G6PC1: variants seen among roughly 807,000 people sequenced by gnomAD.
The protein encoded by G6PC1 is glucose-6-phosphatase catalytic subunit 1, also known as G-6-Pase.
In G6PC1, 23 loss-of-function variants were observed where a neutral mutation model predicts 30.4. The ratio of observed to expected loss-of-function variants is 0.76; its 90% CI spans 0.55 to 1.07. The LOEUF (loss-of-function observed/expected upper bound fraction) is 1.07, where lower values mean the gene tolerates loss of function less well. Ranked by LOEUF, G6PC1 falls within the 50% of genes least tolerant of loss-of-function variation. G6PC1 has a pLI of 0.00. For missense variants in G6PC1, 391 were observed against 433.9 expected (o/e 0.90, Z 0.88); for synonymous variants, 163 against 175.6 (o/e 0.93, Z 0.57).
Position 42,903,973 on chromosome 17 carries a change from T to C in G6PC1, c.273T>C (p.Thr91=), listed in dbSNP as rs2151930014. The C allele has an allele frequency of 6.2e-7, 1 of 1,614,090 alleles. No individual in the cohort carries two copies. The highest frequency in any genetic ancestry group is 8.5e-7 in the Non-Finnish European group (1 of 1,179,946). The change falls in exon 2 of 5, where the codon ACT becomes ACC. Residue 91 remains threonine (T), a synonymous_variant. Coordinates refer to ENST00000253801, the MANE Select transcript of G6PC1 (RefSeq NM_000151.4). ...GQRPYWWVLD[T]DYYSNTSVPL... ...GTCCATACTGGTGGGTTTTGGATACTGACTACTACAGCAACACTTCCGTGC... is the reference window on the plus strand; with the variant it reads ...GTCCATACTGGTGGGTTTTGGATACCGACTACTACAGCAACACTTCCGTGC...
intron 1 of G6PC1, among the ~76,000 whole-genome samples, chr17:42,902,493 C>G (rs2056032530): frequency 6.6e-6 from 1 of 152,148 alleles, no homozygotes; most frequent in African/African-American, 2.4e-5. Flanking sequence ...TCATGATCTG[C>G]CTGCCTTGGC....
intron 3 of G6PC1, among the ~76,000 whole-genome samples, chr17:42,908,319 G>A (rs976541667): frequency 5.9e-5 from 9 of 151,958 alleles, no homozygotes; most frequent in East Asian, 5.8e-4. Context: ...ATGAGCCACC[G>A]CGCCAGCCAT....
chr17:42,903,209 G>A (rs1167453262), intron 1 of G6PC1, among the ~76,000 whole-genome samples: 1 of 151,568 alleles, frequency 6.6e-6, no homozygotes, highest in East Asian at 2.0e-4. Flanking sequence ...AGCCTCCCGA[G>A]TAGCTGGGAT....
chr17:42,910,116 G>A (rs558084696), intron 4 of G6PC1, among the ~76,000 whole-genome samples: 150 of 152,122 alleles, frequency 9.9e-4, no homozygotes, highest in Non-Finnish European at 1.1e-3. Flanking sequence ...CTCCCAAAGC[G>A]CTGGGATTAC....
intron 4 of G6PC1, 33 bp from the exon 5 acceptor site, chr17:42,910,882 C>T: frequency 6.2e-7 from 1 of 1,611,430 alleles, no homozygotes; most frequent in East Asian, 2.2e-5. Context: ...CAAATCCTTC[C>T]TATCTCTCAC....
intron 2 of G6PC1, among the ~76,000 whole-genome samples, chr17:42,905,535 A>G (rs375765879): frequency 1.3e-5 from 2 of 150,520 alleles, no homozygotes; most frequent in East Asian, 1.9e-4. Flanking sequence ...GAAGAAGAAG[A>G]AAAGGAAAGG....
chr17:42,901,659 C>A (rs1177502903), intron 1 of G6PC1, among the ~76,000 whole-genome samples: 1 of 150,658 alleles, frequency 6.6e-6, no homozygotes, highest in Admixed American at 6.6e-5. Context: ...GAGTCAAGAT[C>A]ATGCCACTGC....
In G6PC1 at chr17:42,912,292, T is replaced by C. The variant is rs2056101128; in HGVS notation, c.*866T>C. The C allele has an allele frequency of 6.6e-6, 1 of 152,292 alleles. No homozygotes were observed. Among genetic ancestry groups the C allele is most frequent in the Non-Finnish European group, 1.5e-5 (1 of 68,080 alleles). 9.4% of individuals were successfully genotyped at this position (152,292 alleles called of 1,614,324 possible). A position where few individuals can be genotyped will look rare whatever the true frequency, so the allele number is the denominator to read the frequency against. Reference sequence around the variant, plus strand: ...TCCTTGGATTTCTGAATGGCTGCAGTGACCCAGATATTGCACTAGGTCAAA... The same window carrying C: ...TCCTTGGATTTCTGAATGGCTGCAGCGACCCAGATATTGCACTAGGTCAAA... On this transcript the variant is annotated 3_prime_UTR_variant, in exon 5 of 5. Coordinates refer to ENST00000253801, the MANE Select transcript of G6PC1 (RefSeq NM_000151.4).
In G6PC1 at chr17:42,914,099, C is replaced by CTT. The variant is rs113390675; in HGVS notation, c.*2686_*2687dup. Among the ~76,000 whole-genome samples the CTT allele has an allele frequency of 7.0e-6, 1 of 143,204 alleles. No individual in the cohort carries two copies. The highest frequency in any genetic ancestry group is 2.5e-5 in the African/African-American group (1 of 39,408). 93.9% of individuals were successfully genotyped at this position (143,204 alleles called of 152,430 possible). A position where few individuals can be genotyped will look rare whatever the true frequency, so the allele number is the denominator to read the frequency against. On this transcript the variant is annotated 3_prime_UTR_variant, in exon 5 of 5. Transcript: ENST00000253801. The stretch of plus-strand genomic sequence containing the variant: ...CCCAACCAGGGAGAAAGAAAATAGT[C>CTT]TTTTTTTTTTTTTTAATAGAGATGG...
rs1567706646 is a variant in G6PC1 at position 42,911,419 on chromosome 17, CG to C, written c.1068del (p.Leu357CysfsTer10). The C allele has an allele frequency of 6.2e-7, 1 of 1,614,092 alleles. No homozygotes were observed. The highest frequency in any genetic ancestry group is 8.5e-7 in the Non-Finnish European group (1 of 1,180,032). Reference protein sequence around the residue: ...AQVLGQPHKKSL With the variant: ...AQVLGQPHKKXL ...GTCCTGGGCCAGCCGCACAAGAAGT[CG>C]TTGTAAGAGATGTGGAGTCTTCGGT... On this transcript the variant is annotated frameshift_variant, in exon 5 of 5. Transcript: ENST00000253801. LOFTEE classifies it high-confidence loss of function.
At chr17:42,910,780 A>G (rs2056089901) in intron 4 of G6PC1, 135 bp from the exon 5 acceptor site, 2 of 834,180 alleles carry the variant, frequency 2.4e-6, no homozygotes, top group African/African-American at 3.4e-5. Context: ...AAGCCAGGCG[A>G]CCCTCCCATC....
At chr17:42,903,906 A>G (rs1374515876) in intron 1 of G6PC1, 25 bp from the exon 2 acceptor site, 2 of 1,498,526 alleles carry the variant, frequency 1.3e-6, no homozygotes, top group East Asian at 2.3e-5. Flanking sequence ...CAGTAACCCC[A>G]GAAACTTGTT....
intron 1 of G6PC1, among the ~76,000 whole-genome samples, chr17:42,901,704 CAA>C (rs556849448): frequency 1.4e-4 from 17 of 125,762 alleles, no homozygotes; most frequent in Admixed American, 1.6e-4. Flanking sequence ...GACCCTGTCT[CAA>C]AAAAAAAAAA....
Position 42,912,392 on chromosome 17 carries a change from G to A in G6PC1, c.*966G>A. 6.6e-6 allele frequency: 1 copy of A among 152,590 alleles called. No homozygotes were observed. The allele number at this position is 152,590 out of a possible 1,614,324, so 9.5% of individuals were successfully genotyped here. A position where few individuals can be genotyped will look rare whatever the true frequency, so the allele number is the denominator to read the frequency against. On this transcript the variant is annotated 3_prime_UTR_variant, in exon 5 of 5. Coordinates refer to ENST00000253801, the MANE Select transcript of G6PC1 (RefSeq NM_000151.4). ...TATAAGCCCAGCTCTGCTTTTTCCA[G>A]ATTCTTCCACTGGCTCCACATCCAC...
intron 1 of G6PC1, 135 bp from the exon 2 acceptor site, chr17:42,903,796 C>T (rs1383034011): frequency 2.8e-6 from 2 of 712,426 alleles, no homozygotes; most frequent in African/African-American, 3.5e-5. Flanking sequence ...TCTCACACTT[C>T]TCCCCAGCCA....
intron 2 of G6PC1, among the ~76,000 whole-genome samples, chr17:42,904,789 G>A (rs2056048185): frequency 6.6e-6 from 1 of 152,162 alleles, no homozygotes; most frequent in Non-Finnish European, 1.5e-5. Context: ...TCTGAATAGA[G>A]GAGGTGAAAT....
intron 2 of G6PC1, among the ~76,000 whole-genome samples, chr17:42,907,171 A>G (rs1015606003): frequency 1.8e-4 from 28 of 152,246 alleles, no homozygotes; most frequent in African/African-American, 6.7e-4. Flanking sequence ...TGGAGGGCAG[A>G]TCAGTTTGTA....
chr17:42,901,157 T>G, intron 1 of G6PC1, 51 bp downstream of exon 1: 1 of 1,466,848 alleles, frequency 6.8e-7, no homozygotes, highest in Non-Finnish European at 9.6e-7. Context: ...TGGCATTCGC[T>G]CTCGCAATGT....
At chr17:42,902,281 C>A (rs1164922477) in intron 1 of G6PC1, among the ~76,000 whole-genome samples, 2 of 152,162 alleles carry the variant, frequency 1.3e-5, no homozygotes, top group Non-Finnish European at 2.9e-5. Context: ...TGGAGTCTCG[C>A]ACTGTTGCCT....
Sources: gnomAD v4.1 joint callset for allele counts (sites outside exome capture counted in the v4.1 genomes callset) on GRCh38, gnomAD v4.1.1 for gene constraint, MANE v1.5 for transcripts, NCBI Gene and HGNC (gene_info 2026-07-23, HGNC 2026-07-21) for gene names.